ACO2: variants seen among roughly 807,000 people sequenced by gnomAD.
ACO2 encodes the protein aconitate hydratase, mitochondrial.
Under a neutral mutation model 84.5 loss-of-function variants are expected in ACO2, and 31 were observed. The observed-to-expected ratio is 0.37, with a 90% CI of 0.28 to 0.50. The LOEUF is 0.50. Ranked by LOEUF, ACO2 falls within the 20% of genes least tolerant of loss-of-function variation. The probability of loss-of-function intolerance (pLI) is 0.97; values close to 1 mark genes in which losing one functional copy is unlikely to be tolerated. For missense variants in ACO2, 685 were observed against 1,029.3 expected (o/e 0.67, Z 4.58); for synonymous variants, 414 against 412.7 (o/e 1.00, Z -0.04).
Position 41,528,733 on chromosome 22 carries a change from T to G in ACO2, c.*120T>G, listed in dbSNP as rs933490160. 2 of 1,388,104 alleles carry G rather than the reference T, an allele frequency of 1.4e-6. No individual in the cohort carries two copies. The highest frequency in any genetic ancestry group is 2.9e-5 in the African/African-American group (2 of 69,372). The allele number at this position is 1,388,104 out of a possible 1,614,324, so 86.0% of individuals were successfully genotyped here. On this transcript the variant is annotated 3_prime_UTR_variant, in exon 18 of 18. Transcript: ENST00000216254. Reference sequence around the variant, plus strand: ...AGATGGTGTGACCAGACATGCTTCCTGCTCCCCGCTTAGCCCACGGAGTGA... The same window carrying G: ...AGATGGTGTGACCAGACATGCTTCCGGCTCCCCGCTTAGCCCACGGAGTGA...
intron 9 of ACO2, among the ~76,000 whole-genome samples, chr22:41,520,641 G>C (rs912273594): frequency 6.6e-6 from 1 of 151,998 alleles, no homozygotes; most frequent in African/African-American, 2.4e-5. Context: ...AGGAGATCGA[G>C]ACCATCCTGG....
intron 1 of ACO2, among the ~76,000 whole-genome samples, chr22:41,486,300 T>C (rs956456611): frequency 4.6e-5 from 7 of 151,962 alleles, no homozygotes; most frequent in African/African-American, 1.7e-4. Flanking sequence ...GTCAACCTCT[T>C]CTTTTTTTTT....
At chr22:41,517,344 C>T in intron 6 of ACO2, 183 bp from the exon 7 acceptor site, 1 of 587,856 alleles carries the variant, frequency 1.7e-6, no homozygotes, top group Non-Finnish European at 3.1e-6. Flanking sequence ...ATGGCCTCCC[C>T]TCACCGGCCC....
In ACO2 at chr22:41,527,789, T is replaced by C. The variant is rs190350839; in HGVS notation, c.2087-112T>C. The C allele has an allele frequency of 3.0e-5, 46 of 1,539,916 alleles. No individual in the cohort carries two copies. The Admixed American group carries it at 3.8e-4, about 13-fold the overall frequency. On this transcript the variant is annotated intron_variant, in intron 16 of 17. Coordinates refer to ENST00000216254, the MANE Select transcript of ACO2 (RefSeq NM_001098.3). ...GGGCCCCATAGTCACTGCCCGGGCA[T>C]TGTCCCAGGCAGCAGGATTAGGGGC...
intron 1 of ACO2, among the ~76,000 whole-genome samples, chr22:41,479,395 A>T (rs1384495301): frequency 7.9e-5 from 12 of 152,250 alleles, no homozygotes; most frequent in Admixed American, 7.9e-4. Context: ...TAAGAAGTAC[A>T]TATGAGTAGC....
Position 41,515,761 on chromosome 22 carries a change from G to A in ACO2, c.685-6G>A. ...TCTCACAGCCGCCTCGCCCCCTCCT[G>A]TCCAGGTGATTGGCGTGAAGCTGAC... On this transcript the variant is annotated splice_polypyrimidine_tract_variant and splice_region_variant and intron_variant, in intron 5 of 17. Coordinates refer to ENST00000216254, the MANE Select transcript of ACO2 (RefSeq NM_001098.3). This position sits in a 1 kb window ranked among gnomAD's most constrained non-coding sequence, Gnocchi z 5.8. 6.2e-7 allele frequency: 1 copy of A among 1,613,184 alleles called. No individual in the cohort carries two copies. The highest frequency in any genetic ancestry group is 8.5e-7 in the Non-Finnish European group (1 of 1,179,962).
chr22:41,485,868 C>T (rs970123510), intron 1 of ACO2, among the ~76,000 whole-genome samples: 4 of 152,120 alleles, frequency 2.6e-5, no homozygotes, highest in East Asian at 1.9e-4. Flanking sequence ...ATTACAGGCT[C>T]GAGCCACCGT....
At chr22:41,528,289 T>TG in intron 17 of ACO2, 190 bp from the exon 18 acceptor site, 1 of 895,500 alleles carries the variant, frequency 1.1e-6, no homozygotes, top group South Asian at 1.8e-5. Context: ...CAGGACCCTC[T>TG]GGGCCCCAGG....
intron 1 of ACO2, among the ~76,000 whole-genome samples, chr22:41,480,911 G>T (rs1208381314): frequency 6.6e-6 from 1 of 152,054 alleles, no homozygotes; most frequent in Non-Finnish European, 1.5e-5. Flanking sequence ...AAACTCCTGG[G>T]CTCAAGCAAT....
intron 2 of ACO2, among the ~76,000 whole-genome samples, chr22:41,505,111 TTGA>T (rs979632461): frequency 8.6e-5 from 13 of 151,872 alleles, no homozygotes; most frequent in African/African-American, 3.1e-4. Flanking sequence ...ACTATGCATA[TTGA>T]TGATAACAGT....
intron 1 of ACO2, among the ~76,000 whole-genome samples, chr22:41,477,078 C>T (rs188956806): frequency 1.2e-3 from 184 of 151,014 alleles, no homozygotes; most frequent in Middle Eastern, 6.8e-3. Context: ...TCAAGCGAGT[C>T]TCCTGCCTCA....
Position 41,528,770 on chromosome 22 carries a change from GT to G in ACO2, c.*158del. 5.4e-6 allele frequency: 6 copies of G among 1,105,874 alleles called. No homozygotes were observed. Among genetic ancestry groups the G allele is most frequent in the Non-Finnish European group, 6.2e-6 (5 of 805,432 alleles). 68.5% of individuals were successfully genotyped at this position (1,105,874 alleles called of 1,614,324 possible). A position where few individuals can be genotyped will look rare whatever the true frequency, so the allele number is the denominator to read the frequency against. ...AGCCCACGGAGTGACTGTGGTTGTG[GT>G]GGGGGGGTTCTTAAAATAACTTTTT... is the stretch of plus-strand genomic sequence containing the variant. On this transcript the variant is annotated 3_prime_UTR_variant, in exon 18 of 18. Coordinates refer to ENST00000216254, the MANE Select transcript of ACO2 (RefSeq NM_001098.3).
In ACO2 at chr22:41,515,662, A is replaced by G. The variant is rs1187577059; in HGVS notation, c.685-105A>G. 6.3e-7 allele frequency: 1 copy of G among 1,593,572 alleles called. No homozygotes were observed. The highest frequency in any genetic ancestry group is 1.3e-5 in the African/African-American group (1 of 74,542). On this transcript the variant is annotated intron_variant, in intron 5 of 17. Coordinates refer to ENST00000216254, the MANE Select transcript of ACO2 (RefSeq NM_001098.3). This position sits in a 1 kb window ranked among gnomAD's most constrained non-coding sequence, Gnocchi z 5.8. ...GACTCGAATCTTCTGGGAGGGAGGT[A>G]GAGACCAATAAGCAGCAATGTGAAT... is the stretch of plus-strand genomic sequence containing the variant.
intron 13 of ACO2, 31 bp downstream of exon 13, chr22:41,524,999 G>C: frequency 6.2e-7 from 1 of 1,614,082 alleles, no homozygotes; most frequent in Non-Finnish European, 8.5e-7. Flanking sequence ...CTTGCTGGTT[G>C]CTGTGTGGCC....
At chr22:41,499,948 A>G in intron 2 of ACO2, 86 bp downstream of exon 2, 1 of 1,545,226 alleles carries the variant, frequency 6.5e-7, no homozygotes, top group South Asian at 1.2e-5. Context: ...TGTTTTGTGA[A>G]GGATGCTTGG....
At chr22:41,516,168 A>G (rs2066474674) in intron 6 of ACO2, 1 of 625,080 alleles carries the variant, frequency 1.6e-6, no homozygotes. Context: ...GTGTGGCCAC[A>G]CACGGTTAGG....
At chr22:41,519,900 C>T (rs2066508638) in intron 8 of ACO2, among the ~76,000 whole-genome samples, 1 of 152,182 alleles carries the variant, frequency 6.6e-6, no homozygotes, top group Non-Finnish European at 1.5e-5. Flanking sequence ...CCTCTGCTGT[C>T]TCCTAGCTAT....
chr22:41,489,197 C>T (rs1269543357), intron 1 of ACO2, among the ~76,000 whole-genome samples: 2 of 152,274 alleles, frequency 1.3e-5, no homozygotes, highest in African/African-American at 4.8e-5. Context: ...CGTGTGCCAC[C>T]TTGCTCGGCT....
intron 2 of ACO2, among the ~76,000 whole-genome samples, chr22:41,503,328 C>T (rs2066366978): frequency 6.6e-6 from 1 of 150,962 alleles, no homozygotes; most frequent in African/African-American, 2.4e-5. Flanking sequence ...GGATTGTTCT[C>T]TGTTTTCTTT....
Sources: gnomAD v4.1 joint callset for allele counts (sites outside exome capture counted in the v4.1 genomes callset) on GRCh38, gnomAD v4.1.1 for gene constraint, Gnocchi (gnomAD v3.1) non-coding constraint, MANE v1.5 for transcripts, NCBI Gene and HGNC (gene_info 2026-07-23, HGNC 2026-07-21) for gene names.